Variants in AFG2A observed in about 807,000 individuals in gnomAD.
The protein encoded by AFG2A is AAA ATPase AFG2A, also known as ATPase family gene 2 protein homolog A.
chr4:122,927,673 T>C, the AFG2A span: 8 of 1,612,490 alleles, frequency 5.0e-6, no homozygotes, highest in Non-Finnish European at 6.8e-6. Context: ...AATTCCCTTA[T>C]TCATCTTGGA....
At chr4:123,178,380 T>C in the AFG2A span, among the ~76,000 whole-genome samples, 2 of 152,202 alleles carry the variant, frequency 1.3e-5, no homozygotes, top group African/African-American at 4.8e-5. Flanking sequence ...GATCCCCAGG[T>C]TTTTTCCTTG....
At chr4:123,087,168 A>T in the AFG2A span, among the ~76,000 whole-genome samples, 2 of 152,200 alleles carry the variant, frequency 1.3e-5, no homozygotes, top group East Asian at 3.9e-4. Flanking sequence ...AATGAATTGC[A>T]GTAAATGAGG....
At chr4:123,288,726 A>G in the AFG2A span, among the ~76,000 whole-genome samples, 1 of 152,172 alleles carries the variant, frequency 6.6e-6, no homozygotes, top group African/African-American at 2.4e-5. Flanking sequence ...TAATTTTTCT[A>G]TAGAAGAGCC....
chr4:122,958,728 C>A, the AFG2A span, among the ~76,000 whole-genome samples: 1 of 152,102 alleles, frequency 6.6e-6, no homozygotes, highest in Non-Finnish European at 1.5e-5. Flanking sequence ...ATCTGGAGAC[C>A]ACACTTTGAG....
the AFG2A span, among the ~76,000 whole-genome samples, chr4:123,052,379 T>C: frequency 6.6e-6 from 1 of 152,212 alleles, no homozygotes; most frequent in African/African-American, 2.4e-5. Context: ...TTCATTGAGC[T>C]CTCTTAAAAC....
At chr4:123,100,153 C>T in the AFG2A span, among the ~76,000 whole-genome samples, 1 of 151,778 alleles carries the variant, frequency 6.6e-6, no homozygotes, top group East Asian at 1.9e-4. Context: ...AAAATCCCAA[C>T]CCATCATTTC....
At chr4:123,060,178 G>A in the AFG2A span, among the ~76,000 whole-genome samples, 5 of 152,194 alleles carry the variant, frequency 3.3e-5, no homozygotes, top group African/African-American at 7.2e-5. Context: ...ACAGGCTGGT[G>A]TTGAGTATCT....
the AFG2A span, among the ~76,000 whole-genome samples, chr4:123,021,325 C>G: frequency 6.6e-6 from 1 of 150,924 alleles, no homozygotes; most frequent in Admixed American, 6.6e-5. Context: ...AGGAAGACAA[C>G]AAGGTATATC....
the AFG2A span, among the ~76,000 whole-genome samples, chr4:123,140,110 C>T: frequency 3.7e-4 from 56 of 151,970 alleles, no homozygotes; most frequent in Non-Finnish European, 7.1e-4. Context: ...TACTATATTT[C>T]GTTTCTTTCC....
the AFG2A span, among the ~76,000 whole-genome samples, chr4:123,145,183 A>G: frequency 6.6e-6 from 1 of 151,882 alleles, no homozygotes; most frequent in African/African-American, 2.4e-5. Context: ...CATTTCTATT[A>G]CTCATTTTTC....
At chr4:122,970,469 A>C in the AFG2A span, among the ~76,000 whole-genome samples, 1 of 151,636 alleles carries the variant, frequency 6.6e-6, no homozygotes. Flanking sequence ...AAAAGTAAAA[A>C]AAAAATTTTT....
chr4:123,082,260 G>A, the AFG2A span, among the ~76,000 whole-genome samples: 2 of 151,996 alleles, frequency 1.3e-5, no homozygotes, highest in African/African-American at 4.8e-5. Context: ...TTTATAATTT[G>A]TGTTTTACAT....
the AFG2A span, chr4:122,947,493 G>T: frequency 6.2e-7 from 1 of 1,603,504 alleles, no homozygotes. Context: ...AAGCAGGTGA[G>T]TGTGGTTTGC....
At chr4:123,001,786 T>C in the AFG2A span, among the ~76,000 whole-genome samples, 2 of 152,144 alleles carry the variant, frequency 1.3e-5, no homozygotes, top group South Asian at 2.1e-4. Context: ...TTCTGTTGAT[T>C]TGGGGTGGAG....
chr4:122,945,630 G>T, the AFG2A span, among the ~76,000 whole-genome samples: 6 of 152,112 alleles, frequency 3.9e-5, no homozygotes, highest in Admixed American at 3.9e-4. Context: ...GCTTCGGCTC[G>T]CACACGGTGC....
At chr4:123,118,359 A>AT in the AFG2A span, among the ~76,000 whole-genome samples, 1 of 86,936 alleles carries the variant, frequency 1.2e-5, no homozygotes. Context: ...TATATTATAT[A>AT]TATATATATG....
At chr4:122,948,385 TATACAC>T in the AFG2A span, among the ~76,000 whole-genome samples, 3 of 80,202 alleles carry the variant, frequency 3.7e-5, no homozygotes, top group African/African-American at 1.2e-4. Flanking sequence ...TTCTCCAGAG[TATACAC>T]ACACACACAC....
At chr4:123,069,039 A>G in the AFG2A span, among the ~76,000 whole-genome samples, 1 of 152,200 alleles carries the variant, frequency 6.6e-6, no homozygotes, top group Non-Finnish European at 1.5e-5. Context: ...TTTGAACACA[A>G]TAAATTTAAA....
the AFG2A span, among the ~76,000 whole-genome samples, chr4:123,258,338 TA>T: frequency 2.0e-5 from 3 of 152,220 alleles, no homozygotes; most frequent in African/African-American, 7.2e-5. Context: ...TTAAAGTTAA[TA>T]AACAGGAGAT....
Sources: allele counts gnomAD v4.1 joint callset (sites outside exome capture counted in the v4.1 genomes callset), GRCh38; gene constraint gnomAD v4.1.1; transcripts MANE v1.5; gene names NCBI Gene and HGNC (gene_info 2026-07-23, HGNC 2026-07-21).